The following MROH7 variants were observed in gnomAD, a reference collection of about 807,000 sequenced individuals.
The protein encoded by MROH7 is maestro heat-like repeat-containing protein family member 7.
A neutral mutation model predicts 129.2 loss-of-function variants in MROH7; 113 were observed. That is an observed-to-expected ratio of 0.87 (90% CI 0.75 to 1.02). MROH7 has a LOEUF of 1.02. Ranked by LOEUF, MROH7 falls within the 50% of genes least tolerant of loss-of-function variation. The probability of loss-of-function intolerance (pLI) is 0.00; values close to 1 mark genes in which losing one functional copy is unlikely to be tolerated. For synonymous variants in MROH7, 655 were observed against 667.9 expected (o/e 0.98, Z 0.30); for missense variants, 1,601 against 1,671.3 (o/e 0.96, Z 0.73).
At chr1:54,701,065 C>A in intron 18 of MROH7, 78 bp from the exon 19 acceptor site, 1 of 1,493,836 alleles carries the variant, frequency 6.7e-7, no homozygotes. Flanking sequence ...AAGTTCATTT[C>A]AGTGAATCAG....
rs1557723911 is a variant in MROH7, at chr1:54,695,488, GA to G, written c.2963del (p.Glu988GlyfsTer24). 1.2e-6 allele frequency: 2 copies of G among 1,611,376 alleles called. No individual in the cohort carries two copies. Among genetic ancestry groups the G allele is most frequent in the Admixed American group, 3.3e-5 (2 of 59,894 alleles). On this transcript the variant is annotated frameshift_variant and splice_region_variant, in exon 17 of 24. Transcript: ENST00000421030. LOFTEE classifies it high-confidence loss of function. ...GATCACGGCCACCGCCTTCTTCGTG[GA>G]GGTACCAACGGGGGCAGCGGGTACA... ...HRITATAFFVELLQMEQVRRI... is the reference protein window; with the variant it reads ...HRITATAFFVXLLQMEQVRRI...
intron 23 of MROH7, among the ~76,000 whole-genome samples, chr1:54,709,378 CT>C (rs1557735571): frequency 6.6e-6 from 1 of 152,204 alleles, no homozygotes; most frequent in Non-Finnish European, 1.5e-5. Flanking sequence ...GCCACTGCGC[CT>C]GCTAATTTTT....
chr1:54,645,313 A>G (rs916945983), intron 1 of MROH7, among the ~76,000 whole-genome samples: 6 of 151,774 alleles, frequency 4.0e-5, no homozygotes, highest in Non-Finnish European at 7.4e-5. Flanking sequence ...TTGCTCTGTC[A>G]CCCAAACTGG....
At chr1:54,678,234 C>T (rs1412201354) in intron 10 of MROH7, among the ~76,000 whole-genome samples, 2 of 152,172 alleles carry the variant, frequency 1.3e-5, no homozygotes, top group South Asian at 4.2e-4. Context: ...ATATACTCAT[C>T]AAAAGACACA....
intron 4 of MROH7, among the ~76,000 whole-genome samples, chr1:54,667,529 C>T (rs1451302975): frequency 6.7e-6 from 1 of 150,360 alleles, no homozygotes; most frequent in Non-Finnish European, 1.5e-5. Context: ...GATCTCGGCT[C>T]ACTGCAACTT....
At chr1:54,686,128 G>C in intron 14 of MROH7, 130 bp from the exon 15 acceptor site, 1 of 763,776 alleles carries the variant, frequency 1.3e-6, no homozygotes, top group Non-Finnish European at 2.0e-6. Context: ...GGGAATCCCA[G>C]CTTCCCCAGG....
At position 54,656,483 on chromosome 1, in the gene MROH7, C is replaced by G. The variant is rs372295046; in HGVS notation, c.1231+2326C>G. Among the ~76,000 whole-genome samples, 9 of 132,724 alleles carry G rather than the reference C, an allele frequency of 6.8e-5. No individual in the cohort carries two copies. The East Asian group carries it at 1.9e-3, about 29-fold the overall frequency. 87.1% of individuals were successfully genotyped at this position (132,724 alleles called of 152,430 possible). A position where few individuals can be genotyped will look rare whatever the true frequency, so the allele number is the denominator to read the frequency against. On this transcript the variant is annotated intron_variant, in intron 3 of 23. Transcript: ENST00000421030. Reference sequence around the variant, plus strand: ...CGAGATTGAGCCACTGCACTCCAGCCAGGGAGACAGAGCAAGACTCCATCT... The same window carrying G: ...CGAGATTGAGCCACTGCACTCCAGCGAGGGAGACAGAGCAAGACTCCATCT...
chr1:54,675,155 T>C (rs1350345263), intron 10 of MROH7, among the ~76,000 whole-genome samples: 2 of 152,172 alleles, frequency 1.3e-5, no homozygotes, highest in East Asian at 1.9e-4. Flanking sequence ...TTCATATTTT[T>C]AGTAGAGACG....
At position 54,653,849 on chromosome 1, in the gene MROH7, T is replaced by C; in HGVS notation, c.923T>C (p.Ile308Thr). Residue 308 changes from isoleucine (I) to threonine (T), a missense_variant, in exon 3 of 24, where the codon ATC becomes ACC. Coordinates refer to ENST00000421030, the MANE Select transcript of MROH7 (RefSeq NM_001039464.4). ...VTLIPGSSYG[I>T]SLHSSTHEPN... ...CTGATTCCTGGCTCCAGCTATGGTA[T>C]CAGCCTGCACTCCAGCACCCATGAG... 1 of 1,614,130 alleles carries C rather than the reference T, an allele frequency of 6.2e-7. No homozygotes were observed. Among genetic ancestry groups the C allele is most frequent in the Non-Finnish European group, 8.5e-7 (1 of 1,179,996 alleles).
intron 15 of MROH7, among the ~76,000 whole-genome samples, chr1:54,689,813 C>A (rs192546311): frequency 7.8e-4 from 119 of 152,256 alleles, no homozygotes; most frequent in Non-Finnish European, 2.2e-4. Context: ...GGTTTGAGAC[C>A]AGCCTAGGCA....
At chr1:54,662,471 G>A (rs554514141) in intron 3 of MROH7, among the ~76,000 whole-genome samples, 2 of 151,190 alleles carry the variant, frequency 1.3e-5, no homozygotes, top group Admixed American at 6.6e-5. Flanking sequence ...GGGAGGTGGA[G>A]GTTGAAGTGA....
intron 1 of MROH7, among the ~76,000 whole-genome samples, chr1:54,643,314 G>C (rs956127155): frequency 6.6e-6 from 1 of 152,144 alleles, no homozygotes; most frequent in Non-Finnish European, 1.5e-5. Flanking sequence ...AATAGTCTTG[G>C]GGAAGTTTAT....
Position 54,674,023 on chromosome 1 carries a change from T to C in MROH7, c.1808T>C (p.Leu603Ser), listed in dbSNP as rs1024343403. The change falls in exon 10 of 24, where the codon TTG becomes TCG. Residue 603 changes from leucine (L) to serine (S), a missense_variant. Leu to Ser is a moderately radical substitution (Grantham distance 145). Transcript: ENST00000421030. ...AGATTGCAATACAAACAGATGCCCTTGGGGTTCCCGGCGCTGGGGCTTCTG... is the reference window on the plus strand; with the variant it reads ...AGATTGCAATACAAACAGATGCCCTCGGGGTTCCCGGCGCTGGGGCTTCTG... ...MLLTLPFFMP[L>S]GFPALGLLLG... The C allele has an allele frequency of 1.9e-6, 3 of 1,613,930 alleles. No homozygotes were observed. The highest frequency in any genetic ancestry group is 2.7e-5 in the African/African-American group (2 of 74,934).
At chr1:54,645,477 C>T (rs919973910) in intron 1 of MROH7, among the ~76,000 whole-genome samples, 6 of 151,832 alleles carry the variant, frequency 4.0e-5, no homozygotes, top group Admixed American at 1.3e-4. Flanking sequence ...GACAGGGTTT[C>T]ACCATGTTGG....
intron 3 of MROH7, among the ~76,000 whole-genome samples, chr1:54,657,785 T>G (rs1045955338): frequency 2.6e-5 from 4 of 151,942 alleles, no homozygotes; most frequent in African/African-American, 9.7e-5. Context: ...TGCCTTAGCC[T>G]CAGTAGCTGG....
Position 54,679,898 on chromosome 1 carries a change from A to G in MROH7, c.2234A>G (p.Glu745Gly). 6.2e-7 allele frequency: 1 copy of G among 1,608,396 alleles called. No individual in the cohort carries two copies. Residue 745 changes from glutamate (E) to glycine (G), a missense_variant, in exon 13 of 24, where the codon GAA (glutamate) becomes GGA (glycine). Coordinates refer to ENST00000421030, the MANE Select transcript of MROH7 (RefSeq NM_001039464.4). ...YRHRALEVIP[E>G]IMQGIYMQLS... ...GCCCCGGCTGTGCCCCAGATCCCAGAAATCATGCAAGGCATCTACATGCAG... is the reference window on the plus strand; with the variant it reads ...GCCCCGGCTGTGCCCCAGATCCCAGGAATCATGCAAGGCATCTACATGCAG...
rs768059001 is a variant in MROH7, at chr1:54,653,035, C to T, written c.109C>T (p.Pro37Ser). 1.2e-6 allele frequency: 2 copies of T among 1,614,196 alleles called. No individual in the cohort carries two copies. Among genetic ancestry groups the T allele is most frequent in the Non-Finnish European group, 1.7e-6 (2 of 1,180,022 alleles). The part of the protein sequence containing the change: ...PGLGSGTIPQ[P>S]HPDMAQVPML... ...ATTAGGGTCTGGTACCATCCCTCAGCCCCACCCAGACATGGCTCAGGTGCC... is the reference window on the plus strand; with the variant it reads ...ATTAGGGTCTGGTACCATCCCTCAGTCCCACCCAGACATGGCTCAGGTGCC... The change falls in exon 3 of 24, where the codon CCC becomes TCC. Residue 37 changes from proline (P) to serine (S), a missense_variant. Coordinates refer to ENST00000421030, the MANE Select transcript of MROH7 (RefSeq NM_001039464.4).
chr1:54,657,014 C>CT (rs1054067742), intron 3 of MROH7, among the ~76,000 whole-genome samples: 55 of 150,248 alleles, frequency 3.7e-4, no homozygotes, highest in African/African-American at 1.3e-3. Flanking sequence ...TAGCAAGACT[C>CT]TGTCTATATA....
intron 17 of MROH7, chr1:54,700,037 G>T: frequency 3.0e-6 from 2 of 658,060 alleles, no homozygotes; most frequent in South Asian, 3.5e-5. Flanking sequence ...TGAGGGTGTG[G>T]GCTGGAGGGT....
Sources: gnomAD v4.1 joint callset for allele counts (sites outside exome capture counted in the v4.1 genomes callset) on GRCh38, gnomAD v4.1.1 for gene constraint, MANE v1.5 for transcripts, NCBI Gene and HGNC (gene_info 2026-07-23, HGNC 2026-07-21) for gene names.